NCAM2: variants seen among roughly 807,000 people sequenced by gnomAD.
The protein encoded by NCAM2 is N-CAM-2.
In NCAM2, 30 loss-of-function variants were observed where a neutral mutation model predicts 98.1. That is an observed-to-expected ratio of 0.31 (90% CI 0.23 to 0.41). The LOEUF is 0.41. Among genes scored for constraint, NCAM2 ranks in the 10% least tolerant of loss-of-function variants. NCAM2 has a pLI of 1.00. For synonymous variants in NCAM2, 368 were observed against 342.4 expected (o/e 1.07, Z -0.83); for missense variants, 867 against 1,005.8 (o/e 0.86, Z 1.87).
chr21:21,469,273 T>C (rs1181784062), intron 14 of NCAM2, among the ~76,000 whole-genome samples: 2 of 152,014 alleles, frequency 1.3e-5, no homozygotes, highest in African/African-American at 4.8e-5. Context: ...TAATTAGCAC[T>C]ATCCAGTAAG....
chr21:21,294,533 G>A (rs533452735), intron 5 of NCAM2, among the ~76,000 whole-genome samples: 2 of 151,730 alleles, frequency 1.3e-5, no homozygotes, highest in African/African-American at 2.4e-5. Flanking sequence ...ATCTTTGCTC[G>A]GACATTGATA....
intron 15 of NCAM2, among the ~76,000 whole-genome samples, chr21:21,500,652 A>T (rs762360718): frequency 2.0e-5 from 3 of 152,160 alleles, no homozygotes; most frequent in Non-Finnish European, 4.4e-5. Flanking sequence ...ACCCACAAAT[A>T]TATAAAGAAA....
intron 8 of NCAM2, among the ~76,000 whole-genome samples, chr21:21,370,139 C>T (rs566382437): frequency 2.6e-5 from 4 of 151,870 alleles, no homozygotes; most frequent in South Asian, 2.1e-4. Flanking sequence ...CTTGTCCTTC[C>T]GTTTTGGCAT....
intron 1 of NCAM2, among the ~76,000 whole-genome samples, chr21:21,071,873 AT>A (rs2065573532): frequency 8.8e-5 from 1 of 11,412 alleles, no homozygotes; most frequent in African/African-American, 1.4e-4. Context: ...ATGTCTGCCT[AT>A]CTATCTATCT....
At chr21:21,402,786 A>G (rs1215519557) in intron 9 of NCAM2, among the ~76,000 whole-genome samples, 1 of 152,114 alleles carries the variant, frequency 6.6e-6, no homozygotes, top group Admixed American at 6.5e-5. Context: ...AGTGGCTGAC[A>G]CTTAGGGAAA....
chr21:21,304,720 A>G (rs2073828518), intron 5 of NCAM2, among the ~76,000 whole-genome samples: 1 of 152,172 alleles, frequency 6.6e-6, no homozygotes, highest in Admixed American at 6.5e-5. Flanking sequence ...TCACTTTGAG[A>G]ATAATTGTCT....
intron 1 of NCAM2, among the ~76,000 whole-genome samples, chr21:21,226,317 T>TA (rs1368813304): frequency 6.6e-6 from 1 of 151,764 alleles, no homozygotes; most frequent in Non-Finnish European, 1.5e-5. Context: ...TTAAAATAAA[T>TA]AAAAAATAAA....
chr21:21,284,117 A>C, intron 2 of NCAM2, 77 bp from the exon 3 acceptor site: 1 of 1,089,684 alleles, frequency 9.2e-7, no homozygotes, highest in Non-Finnish European at 1.4e-6. Context: ...TAATATTATT[A>C]CATAATAGTA....
intron 9 of NCAM2, among the ~76,000 whole-genome samples, chr21:21,393,918 GAAT>G (rs2076439426): frequency 6.6e-6 from 1 of 152,090 alleles, no homozygotes; most frequent in African/African-American, 2.4e-5. Context: ...AGAAAAAGGA[GAAT>G]AATATTAGAA....
chr21:21,391,716 T>G (rs1269205090), intron 9 of NCAM2, among the ~76,000 whole-genome samples: 1 of 152,212 alleles, frequency 6.6e-6, no homozygotes, highest in Non-Finnish European at 1.5e-5. Flanking sequence ...GAAGGCTTAA[T>G]CAGAGCAAAT....
chr21:21,534,123 C>G (rs940444766), intron 16 of NCAM2, among the ~76,000 whole-genome samples: 1 of 151,596 alleles, frequency 6.6e-6, no homozygotes, highest in Non-Finnish European at 1.5e-5. Flanking sequence ...AAAATGTTTT[C>G]TTTTTTATTA....
At chr21:21,083,573 C>G (rs8128977) in intron 1 of NCAM2, among the ~76,000 whole-genome samples, 1 of 151,642 alleles carries the variant, frequency 6.6e-6, no homozygotes, top group Non-Finnish European at 1.5e-5. Flanking sequence ...GTCACCACAC[C>G]CAACTAATCT....
At position 21,533,166 on chromosome 21, in the gene NCAM2, C is replaced by CTTTTTTT. The variant is rs201532023; in HGVS notation, c.2283-1364_2283-1358dup. On this transcript the variant is annotated intron_variant, in intron 16 of 17. Coordinates refer to ENST00000400546, the MANE Select transcript of NCAM2 (RefSeq NM_004540.5). ...CCATTGTAGATTTGTTGTTTGCTTG[C>CTTTTTTT]TTTTTTTTTTTTTGGTAATCCTAGT... 4.3e-4 allele frequency among the ~76,000 whole-genome samples: 40 copies of CTTTTTTT among 93,798 alleles called. 1 individual carries two copies. The highest frequency in any genetic ancestry group is 1.5e-3 in the African/African-American group (37 of 24,046). The allele number at this position is 93,798 out of a possible 152,430, so 61.5% of individuals were successfully genotyped here.
intron 1 of NCAM2, among the ~76,000 whole-genome samples, chr21:21,084,582 TAA>T (rs1166794090): frequency 1.3e-5 from 2 of 152,198 alleles, no homozygotes; most frequent in African/African-American, 4.8e-5. Context: ...GTATGATGTT[TAA>T]GTTTCTTCCA....
chr21:21,291,957 C>T (rs1006198218), intron 4 of NCAM2, 147 bp from the exon 5 acceptor site: 6 of 638,370 alleles, frequency 9.4e-6, no homozygotes, highest in Non-Finnish European at 1.4e-5. Context: ...CATGAAATTA[C>T]ATTTTACTTT....
At chr21:21,436,232 C>G (rs1978323774) in intron 12 of NCAM2, among the ~76,000 whole-genome samples, 1 of 152,130 alleles carries the variant, frequency 6.6e-6, no homozygotes, top group South Asian at 2.1e-4. Flanking sequence ...ACCAAACATA[C>G]TTTCATTTTG....
chr21:21,518,470 T>C lies in NCAM2; in HGVS notation c.2282+9415T>C, dbSNP rs961523946. 2.6e-5 allele frequency among the ~76,000 whole-genome samples: 4 copies of C among 152,132 alleles called. No individual in the cohort carries two copies. The East Asian group carries it at 7.7e-4, about 29-fold the overall frequency. On this transcript the variant is annotated intron_variant, in intron 16 of 17. Coordinates refer to ENST00000400546, the MANE Select transcript of NCAM2 (RefSeq NM_004540.5). ...TCAATTCATTTCCAATATTTTTTGC[T>C]TTCTTCGTCATTGCCTTTTATGCCT...
chr21:21,330,601 C>T lies in NCAM2; in HGVS notation c.738-4904C>T, dbSNP rs114042567. ...TCCCTAATATTAAATAGATCAACTCCCTTGATAGTATTGTGGAAGTCTTCT... is the reference window on the plus strand; with the variant it reads ...TCCCTAATATTAAATAGATCAACTCTCTTGATAGTATTGTGGAAGTCTTCT... On this transcript the variant is annotated intron_variant, in intron 6 of 17. Transcript: ENST00000400546. Among the ~76,000 whole-genome samples the T allele has an allele frequency of 2.1e-3, 324 of 151,932 alleles. 1 individual carries two copies. Among genetic ancestry groups the T allele is most frequent in the African/African-American group, 7.5e-3 (310 of 41,480 alleles).
chr21:21,358,289 G>T (rs2075549338), intron 8 of NCAM2, among the ~76,000 whole-genome samples: 1 of 152,032 alleles, frequency 6.6e-6, no homozygotes, highest in Non-Finnish European at 1.5e-5. Context: ...CTGTATACAA[G>T]TAAACCTGAC....
Sources: allele counts gnomAD v4.1 joint callset (sites outside exome capture counted in the v4.1 genomes callset), GRCh38; gene constraint gnomAD v4.1.1; transcripts MANE v1.5; gene names NCBI Gene and HGNC (gene_info 2026-07-23, HGNC 2026-07-21).